The following MVP variants were observed in gnomAD, a reference collection of about 807,000 sequenced individuals.
The protein encoded by MVP is major vault protein.
Under a neutral mutation model 83.5 loss-of-function variants are expected in MVP, and 62 were observed. That is an observed-to-expected ratio of 0.74 (90% CI 0.61 to 0.92). MVP has a LOEUF of 0.92. MVP is among the 40% of genes least tolerant of loss of function. MVP has a pLI of 0.00. For synonymous variants in MVP, 505 were observed against 504.1 expected (o/e 1.00, Z -0.02); for missense variants, 1,000 against 1,203.4 (o/e 0.83, Z 2.50).
intron 1 of MVP, among the ~76,000 whole-genome samples, chr16:29,827,464 T>C (rs2067412206): frequency 6.6e-6 from 1 of 152,142 alleles, no homozygotes. Context: ...ATGATGCCTC[T>C]CTAGAAAGAC....
intron 14 of MVP, 115 bp downstream of exon 14, chr16:29,847,500 C>A: frequency 9.3e-7 from 1 of 1,075,526 alleles, no homozygotes; most frequent in Non-Finnish European, 1.3e-6. Context: ...GGGTGAGTGA[C>A]CTGACCCACG....
chr16:29,840,886 C>T (rs535854997), intron 8 of MVP, among the ~76,000 whole-genome samples: 1 of 151,646 alleles, frequency 6.6e-6, no homozygotes, highest in Admixed American at 6.6e-5. Flanking sequence ...TTGCAGTGAG[C>T]CGAGATCACA....
chr16:29,835,725 C>T lies in MVP; in HGVS notation c.599C>T (p.Thr200Ile), dbSNP rs1392283893. The part of the protein sequence containing the change: ...RVTGEEWLVT[T>I]VGAYLPAVFE... ...CCAGGGGAAGAATGGCTGGTCACCA[C>T]AGTAGGGGCGTACCTCCCAGCGGTG... The change falls in exon 6 of 15, where the codon ACA becomes ATA. Residue 200 changes from threonine to isoleucine, a missense_variant. By Grantham distance (89) the Thr-to-Ile change is moderately conservative. Transcript: ENST00000357402. 3 of 1,613,636 alleles carry T rather than the reference C, an allele frequency of 1.9e-6. No homozygotes were observed. Among genetic ancestry groups the T allele is most frequent in the Admixed American group, 3.3e-5 (2 of 59,928 alleles).
chr16:29,847,773 C>T lies in MVP; in HGVS notation c.2466C>T (p.Leu822=). Residue 822 remains leucine, a synonymous_variant, in exon 15 of 15, where the codon CTC becomes CTT. Coordinates refer to ENST00000357402, the MANE Select transcript of MVP (RefSeq NM_005115.5). The part of the protein sequence containing the change: ...VAGPEMQVKL[L]QSLGLKSTLI... ...TTCTCACCCTCCAGGTAAAACTGCTCCAGTCCCTGGGCCTGAAATCAACCC... is the reference window on the plus strand; with the variant it reads ...TTCTCACCCTCCAGGTAAAACTGCTTCAGTCCCTGGGCCTGAAATCAACCC... 1.9e-6 allele frequency: 3 copies of T among 1,614,160 alleles called. No individual in the cohort carries two copies. Among genetic ancestry groups the T allele is most frequent in the Non-Finnish European group, 1.7e-6 (2 of 1,180,022 alleles).
intron 6 of MVP, among the ~76,000 whole-genome samples, 193 bp downstream of exon 6, chr16:29,835,991 C>T (rs904346025): frequency 1.3e-5 from 2 of 151,936 alleles, no homozygotes; most frequent in African/African-American, 2.4e-5. Context: ...TGGGGCTGGG[C>T]GCAATGACTC....
At chr16:29,846,001 G>GA (rs1567396849) in intron 12 of MVP, 22 bp downstream of exon 12, 1 of 1,613,868 alleles carries the variant, frequency 6.2e-7, no homozygotes, top group South Asian at 1.1e-5. Flanking sequence ...ACTAGAGGAG[G>GA]AGACTGGCAG....
intron 7 of MVP, among the ~76,000 whole-genome samples, chr16:29,839,783 CAAAAAAAAAA>C (rs71373206): frequency 2.1e-5 from 1 of 47,372 alleles, no homozygotes; most frequent in Admixed American, 3.3e-4. Context: ...AAGACTATCT[CAAAAAAAAAA>C]AAAAAAAAAA....
Position 29,834,067 on chromosome 16 carries a change from G to T in MVP, c.577+1G>T. On this transcript the variant is annotated splice_donor_variant, in intron 5 of 14. Coordinates refer to ENST00000357402, the MANE Select transcript of MVP (RefSeq NM_005115.5). LOFTEE classifies it high-confidence loss of function. ...CGGGACGGCAAGGAGAGGGTGACAGGTGGGGTCACCAAGGGGCGATGATGG... is the reference window on the plus strand; with the variant it reads ...CGGGACGGCAAGGAGAGGGTGACAGTTGGGGTCACCAAGGGGCGATGATGG... 2 of 1,613,264 alleles carry T rather than the reference G, an allele frequency of 1.2e-6. No individual in the cohort carries two copies. Among genetic ancestry groups the T allele is most frequent in the Non-Finnish European group, 8.5e-7 (1 of 1,179,682 alleles).
Position 29,830,591 on chromosome 16 carries a change from C to G in MVP, c.42C>G (p.His14Gln). ...EEFIIRIPPY[H>Q]YIHVLDQNSN... ...TCATCATCCGCATCCCCCCATACCA[C>G]TATATCCATGTGCTGGACCAGAACA... The change falls in exon 2 of 15, where the codon CAC (histidine) becomes CAG (glutamine). Residue 14 changes from histidine to glutamine, a missense_variant. Transcript: ENST00000357402. 6.2e-7 allele frequency: 1 copy of G among 1,614,104 alleles called. No homozygotes were observed.
In MVP at chr16:29,830,666, C is replaced by A; in HGVS notation, c.117C>A (p.Asp39Glu). 6.2e-7 allele frequency: 1 copy of A among 1,613,772 alleles called. No individual in the cohort carries two copies. Among genetic ancestry groups the A allele is most frequent in the Non-Finnish European group, 8.5e-7 (1 of 1,179,916 alleles). ...EVGPKTYIRQ[D>E]NERVLFAPMR... ...GGCCAAAGACCTACATCCGGCAGGA[C>A]AATGAGAGGTGGGTGTGGGGGCTGG... The change falls in exon 2 of 15, where the codon GAC becomes GAA. Residue 39 changes from aspartate to glutamate, a missense_variant. Coordinates refer to ENST00000357402, the MANE Select transcript of MVP (RefSeq NM_005115.5).
Position 29,846,164 on chromosome 16 carries a change from C to A in MVP, c.2145C>A (p.Ala715=). Residue 715 remains alanine, a synonymous_variant, in exon 13 of 15, where the codon GCC becomes GCA. Transcript: ENST00000357402. ...GACTCTGCCTTCTCCCCAGCATGGC[C>A]GTGGAGAGCACCGGGACTGCCAAGG... ...ELLELEALSM[A]VESTGTAKAE... is the part of the protein sequence containing the mutation. 2 of 1,610,800 alleles carry A rather than the reference C, an allele frequency of 1.2e-6. No homozygotes were observed. The highest frequency in any genetic ancestry group is 1.1e-5 in the South Asian group (1 of 90,528).
intron 6 of MVP, 100 bp from the exon 7 acceptor site, chr16:29,836,622 G>T: frequency 1.2e-6 from 1 of 869,192 alleles, no homozygotes; most frequent in Non-Finnish European, 1.8e-6. Flanking sequence ...AATTGTCTCT[G>T]AGATCTGGGA....
Position 29,845,946 on chromosome 16 carries a change from C to A in MVP, c.2105C>A (p.Ala702Asp). The stretch of plus-strand genomic sequence containing the variant: ...CTGGACCAGTCAGAAGCCGAGAAAG[C>A]TCGCAAGGAACTTTTGGAGCTGGAG... ...KILDQSEAEK[A>D]RKELLELEAL... The change falls in exon 12 of 15, where the codon GCT becomes GAT. Residue 702 changes from alanine to aspartate, a missense_variant. Coordinates refer to ENST00000357402, the MANE Select transcript of MVP (RefSeq NM_005115.5). The A allele has an allele frequency of 6.2e-7, 1 of 1,614,262 alleles. No homozygotes were observed. Among genetic ancestry groups the A allele is most frequent in the Non-Finnish European group, 8.5e-7 (1 of 1,180,046 alleles).
chr16:29,836,192 C>A (rs1230391237), intron 6 of MVP, among the ~76,000 whole-genome samples: 1 of 146,858 alleles, frequency 6.8e-6, no homozygotes, highest in African/African-American at 2.5e-5. Flanking sequence ...CGCTTGAACC[C>A]CAGAGGCAGA....
rs184920566 is a variant in MVP at position 29,841,234 on chromosome 16, C to T, written c.1192-362C>T. Among the ~76,000 whole-genome samples the T allele has an allele frequency of 1.0e-3, 152 of 152,248 alleles. 3 individuals carry two copies. The highest frequency in any genetic ancestry group is 1.2e-4 in the Non-Finnish European group (8 of 68,002). On this transcript the variant is annotated intron_variant, in intron 8 of 14. Coordinates refer to ENST00000357402, the MANE Select transcript of MVP (RefSeq NM_005115.5). The surrounding 1 kb of genome is among the most constrained non-coding windows in gnomAD (Gnocchi z 4.7). ...TGTACACAGCCTACTTCACCATCCC[C>T]GAGGTGCCCTCCAAACTGCCCCATG... is the stretch of plus-strand genomic sequence containing the variant.
rs2067490551 is a variant in MVP, at chr16:29,836,754, C to A, written c.705C>A (p.Phe235Leu). The A allele has an allele frequency of 5.0e-6, 8 of 1,604,276 alleles. No individual in the cohort carries two copies. Among genetic ancestry groups the A allele is most frequent in the Non-Finnish European group, 6.0e-6 (7 of 1,173,010 alleles). ...TALHLRARRNFRDFRGVSRRT... is the reference protein window; with the variant it reads ...TALHLRARRNLRDFRGVSRRT... ...TGCACCTCCGGGCTCGGCGGAACTT[C>A]CGGGACTTCAGGGGAGTGTCCCGCC... The change falls in exon 7 of 15, where the codon TTC becomes TTA. Residue 235 changes from phenylalanine to leucine, a missense_variant. Transcript: ENST00000357402.
At chr16:29,828,168 C>G (rs2067416772) in intron 1 of MVP, among the ~76,000 whole-genome samples, 1 of 151,950 alleles carries the variant, frequency 6.6e-6, no homozygotes, top group Non-Finnish European at 1.5e-5. Flanking sequence ...TGCATGTTGG[C>G]CAGGCTGGTC....
intron 3 of MVP, among the ~76,000 whole-genome samples, chr16:29,832,922 A>G (rs915971059): frequency 1.3e-5 from 2 of 151,978 alleles, no homozygotes; most frequent in African/African-American, 4.8e-5. Flanking sequence ...ACAATTAGCC[A>G]GGCGTGGTGG....
intron 7 of MVP, among the ~76,000 whole-genome samples, chr16:29,839,374 C>G (rs1179454378): frequency 6.6e-6 from 1 of 152,072 alleles, no homozygotes; most frequent in Non-Finnish European, 1.5e-5. Flanking sequence ...ATACTCTAGA[C>G]TTAACATAGC....
Sources: gnomAD v4.1 joint callset for allele counts (sites outside exome capture counted in the v4.1 genomes callset) on GRCh38, gnomAD v4.1.1 for gene constraint, Gnocchi (gnomAD v3.1) non-coding constraint, MANE v1.5 for transcripts, NCBI Gene and HGNC (gene_info 2026-07-23, HGNC 2026-07-21) for gene names.